Variants in SLCO5A1 observed in about 807,000 individuals in gnomAD.
The protein encoded by SLCO5A1 is organic anion transporter polypeptide-related protein 4.
SLCO5A1 carries 39 observed loss-of-function variants against 65.1 expected under a neutral mutation model. The observed-to-expected ratio is 0.60, with a 90% CI of 0.46 to 0.78. The LOEUF (loss-of-function observed/expected upper bound fraction) is 0.78, where lower values mean the gene tolerates loss of function less well. Ranked by LOEUF, SLCO5A1 falls within the 30% of genes least tolerant of loss-of-function variation. The probability of loss-of-function intolerance (pLI) is 0.00; values close to 1 mark genes in which losing one functional copy is unlikely to be tolerated. For missense variants in SLCO5A1, 1,029 were observed against 1,069.4 expected, an observed-to-expected ratio of 0.96 and a Z score of 0.53; for synonymous variants, 438 against 415.7, an observed-to-expected ratio of 1.05 and a Z score of -0.65.
chr8:69,706,178 C>A (rs966760005), intron 5 of SLCO5A1, among the ~76,000 whole-genome samples: 5 of 152,172 alleles, frequency 3.3e-5, no homozygotes, highest in African/African-American at 1.2e-4. Flanking sequence ...GAACCACATG[C>A]AGCAGAATGC....
intron 6 of SLCO5A1, among the ~76,000 whole-genome samples, chr8:69,689,660 G>A (rs9694258): frequency 0.33 from 43,436 of 129,712 alleles, 7,011 homozygotes; most frequent in South Asian, 0.48. Flanking sequence ...GATATGCGGC[G>A]TTATTTCTGA....
intron 5 of SLCO5A1, among the ~76,000 whole-genome samples, chr8:69,713,130 G>T (rs1337704573): frequency 6.6e-6 from 1 of 152,212 alleles, no homozygotes; most frequent in Non-Finnish European, 1.5e-5. Context: ...CTTATCTGTT[G>T]TGAAATTACA....
intron 2 of SLCO5A1, among the ~76,000 whole-genome samples, chr8:69,780,842 G>A (rs1445865079): frequency 6.6e-6 from 1 of 151,142 alleles, no homozygotes; most frequent in East Asian, 1.9e-4. Flanking sequence ...AGCATACAGG[G>A]CTCTGCTACT....
chr8:69,794,196 G>C (rs147682694), intron 2 of SLCO5A1: 151 of 381,720 alleles, frequency 4.0e-4, no homozygotes, highest in East Asian at 1.6e-3. Context: ...GTTGCTGGAA[G>C]GAGACTGGAT....
At position 69,670,393 on chromosome 8, in the gene SLCO5A1, G is replaced by A. The variant is rs1481005821; in HGVS notation, c.*2476C>T. On this transcript the variant is annotated 3_prime_UTR_variant, in exon 10 of 10. Coordinates refer to ENST00000260126, the MANE Select transcript of SLCO5A1 (RefSeq NM_030958.3). Reference sequence around the variant, plus strand: ...TCCAGTGATGCTACCATAGCCCCAAGTATTTTGTGAACCACTCTTAATTGG... The same window carrying A: ...TCCAGTGATGCTACCATAGCCCCAAATATTTTGTGAACCACTCTTAATTGG... The A allele has an allele frequency of 6.6e-6, 1 of 152,116 alleles. No individual in the cohort carries two copies. The highest frequency in any genetic ancestry group is 1.9e-4 in the East Asian group (1 of 5,204). The allele number at this position is 152,116 out of a possible 1,614,324, so 9.4% of individuals were successfully genotyped here. A position where few individuals can be genotyped will look rare whatever the true frequency, so the allele number is the denominator to read the frequency against.
At chr8:69,680,076 A>G (rs1264849753) in intron 7 of SLCO5A1, among the ~76,000 whole-genome samples, 1 of 152,216 alleles carries the variant, frequency 6.6e-6, no homozygotes, top group Non-Finnish European at 1.5e-5. Context: ...TTATAGTGCA[A>G]TCGTGATGAC....
chr8:69,795,942 A>C (rs1408061178), intron 2 of SLCO5A1, among the ~76,000 whole-genome samples: 2 of 152,244 alleles, frequency 1.3e-5, no homozygotes, highest in Non-Finnish European at 2.9e-5. Flanking sequence ...CTTACAGCTT[A>C]CACCCTCTGA....
At chr8:69,762,118 T>TTTTCTTTCTTTC (rs552749800) in intron 2 of SLCO5A1, among the ~76,000 whole-genome samples, 118 of 104,704 alleles carry the variant, frequency 1.1e-3, no homozygotes, top group Admixed American at 2.1e-3. Flanking sequence ...TTTTGTTTTG[T>TTTTCTTTCTTTC]TTTCTTTCTT....
At chr8:69,676,280 AG>A (rs1300817098) in intron 9 of SLCO5A1, among the ~76,000 whole-genome samples, 1 of 152,228 alleles carries the variant, frequency 6.6e-6, no homozygotes, top group African/African-American at 2.4e-5. Flanking sequence ...AAAGGCATAA[AG>A]GGGTCAAAAT....
At chr8:69,782,182 C>T (rs148888570) in intron 2 of SLCO5A1, among the ~76,000 whole-genome samples, 8 of 151,770 alleles carry the variant, frequency 5.3e-5, no homozygotes, top group East Asian at 3.9e-4. Flanking sequence ...TGTATATCTA[C>T]GTAACAAACC....
intron 2 of SLCO5A1, among the ~76,000 whole-genome samples, chr8:69,762,190 C>CTTTCTT (rs1554617820): frequency 1.7e-4 from 10 of 59,600 alleles, no homozygotes; most frequent in African/African-American, 7.6e-4. Context: ...TTCTTTCTTT[C>CTTTCTT]TTTCTTTCTT....
chr8:69,718,779 C>G lies in SLCO5A1; in HGVS notation c.1424-13550G>C, dbSNP rs111716480. Among the ~76,000 whole-genome samples, 48 of 152,248 alleles carry G rather than the reference C, an allele frequency of 3.2e-4. 2 individuals are homozygous for G. The highest frequency in any genetic ancestry group is 1.0e-3 in the African/African-American group (43 of 41,532). On this transcript the variant is annotated intron_variant, in intron 5 of 9. Transcript: ENST00000260126. The stretch of plus-strand genomic sequence containing the variant: ...GTAGGGAATAAAAGTAACTAAAATT[C>G]CTGCCCAGATTGAGTTTACAATCTA...
At chr8:69,784,246 A>G (rs1818917275) in intron 2 of SLCO5A1, among the ~76,000 whole-genome samples, 1 of 152,246 alleles carries the variant, frequency 6.6e-6, no homozygotes, top group South Asian at 2.1e-4. Context: ...AATTTTGGAC[A>G]GTTGTATCAC....
chr8:69,713,913 C>T (rs560194749), intron 5 of SLCO5A1: 1 of 152,346 alleles, frequency 6.6e-6, no homozygotes, highest in African/African-American at 2.4e-5. Flanking sequence ...CCCTTTTGAG[C>T]TTCCATTTTC....
intron 5 of SLCO5A1, among the ~76,000 whole-genome samples, chr8:69,735,005 G>C (rs900692049): frequency 6.6e-6 from 1 of 152,152 alleles, no homozygotes; most frequent in African/African-American, 2.4e-5. Context: ...TGAAAAGTGG[G>C]CAAAGGACAT....
chr8:69,698,747 C>T (rs1814601379), intron 6 of SLCO5A1, among the ~76,000 whole-genome samples: 1 of 152,212 alleles, frequency 6.6e-6, no homozygotes, highest in Non-Finnish European at 1.5e-5. Flanking sequence ...TAAACTATCA[C>T]TTCAATGTGA....
chr8:69,723,064 C>A (rs575747071), intron 5 of SLCO5A1, among the ~76,000 whole-genome samples: 54 of 152,122 alleles, frequency 3.5e-4, no homozygotes, highest in African/African-American at 1.3e-3. Context: ...TTTATGTTGA[C>A]CACAACATGA....
At position 69,821,197 on chromosome 8, in the gene SLCO5A1, TA is replaced by T. The variant is rs34078991; in HGVS notation, c.907+10569del. On this transcript the variant is annotated intron_variant, in intron 2 of 9. Transcript: ENST00000260126. ...TACTTTTAGAAGACTGAAGAAATGT[TA>T]AAAAAAAAAAATTAGCTGGGCATGG... is the stretch of plus-strand genomic sequence containing the variant. Among the ~76,000 whole-genome samples, 1,006 of 148,110 alleles carry T rather than the reference TA, an allele frequency of 6.8e-3. 16 individuals carry two copies. The highest frequency in any genetic ancestry group is 0.022 in the African/African-American group (909 of 40,542).
In SLCO5A1 at chr8:69,816,479, T is replaced by A. The variant is rs558832684; in HGVS notation, c.907+15288A>T. ...GCAGCTGTGGGACCCCCATCTCTTT[T>A]TCTCCAGCAAAAGGAAACTGAAAAC... On this transcript the variant is annotated intron_variant, in intron 2 of 9. Coordinates refer to ENST00000260126, the MANE Select transcript of SLCO5A1 (RefSeq NM_030958.3). Among the ~76,000 whole-genome samples the A allele has an allele frequency of 9.2e-5, 14 of 152,288 alleles. No individual in the cohort carries two copies. The South Asian group carries it at 2.9e-3, about 32-fold the overall frequency.
Sources: allele counts gnomAD v4.1 joint callset (sites outside exome capture counted in the v4.1 genomes callset), GRCh38; gene constraint gnomAD v4.1.1; transcripts MANE v1.5; gene names NCBI Gene and HGNC (gene_info 2026-07-23, HGNC 2026-07-21).